ITIH5: variants seen among roughly 807,000 people sequenced by gnomAD.
The protein encoded by ITIH5 is inter-alpha-trypsin inhibitor heavy chain 5, also known as inter-alpha-trypsin inhibitor heavy chain H5.
ITIH5 carries 65 observed loss-of-function variants against 77.5 expected under a neutral mutation model. That is an observed-to-expected ratio of 0.84 (90% confidence interval 0.69 to 1.03). ITIH5 has a LOEUF of 1.03. ITIH5 is among the 50% of genes least tolerant of loss of function. The probability of loss-of-function intolerance (pLI) is 0.00; values close to 1 mark genes in which losing one functional copy is unlikely to be tolerated. For synonymous variants in ITIH5, 525 were observed against 494.3 expected (o/e 1.06, Z -0.82); for missense variants, 1,208 against 1,213.1 (o/e 1.00, Z 0.06).
chr10:7,564,807 A>G (rs1031377976), intron 13 of ITIH5, among the ~76,000 whole-genome samples: 9 of 151,506 alleles, frequency 5.9e-5, no homozygotes, highest in Non-Finnish European at 8.8e-5. Context: ...GACTGTGTGT[A>G]TATATACACA....
At chr10:7,568,449 C>T (rs1019638610) in intron 12 of ITIH5, among the ~76,000 whole-genome samples, 1 of 152,222 alleles carries the variant, frequency 6.6e-6, no homozygotes, top group Non-Finnish European at 1.5e-5. Flanking sequence ...ATGGGAACTG[C>T]TCCCAGAATA....
At chr10:7,619,852 A>T (rs1970182) in intron 5 of ITIH5, 23,375 of 157,144 alleles carry the variant, frequency 0.15, 1,875 homozygotes, top group East Asian at 0.26. Context: ...ACAGAGCCAA[A>T]CCATATCAAT....
At chr10:7,571,512 G>A (rs7897049) in intron 11 of ITIH5, 14,370 of 152,162 alleles carry the variant, frequency 0.094, 995 homozygotes, top group African/African-American at 0.19. Context: ...TGCCTCCTGG[G>A]TTCAAGCGAT....
chr10:7,660,039 A>C (rs1429905899), intron 1 of ITIH5, among the ~76,000 whole-genome samples: 4 of 152,146 alleles, frequency 2.6e-5, no homozygotes, highest in African/African-American at 9.7e-5. Context: ...GAGGCCCCAA[A>C]TCATGGACTT....
At chr10:7,663,448 A>G (rs2131119885) in intron 1 of ITIH5, among the ~76,000 whole-genome samples, 1 of 152,330 alleles carries the variant, frequency 6.6e-6, no homozygotes, top group Non-Finnish European at 1.5e-5. Flanking sequence ...TTTACATGCT[A>G]ATAAAACATA....
intron 12 of ITIH5, among the ~76,000 whole-genome samples, chr10:7,567,246 G>A (rs1009644281): frequency 3.3e-5 from 5 of 151,864 alleles, no homozygotes; most frequent in Admixed American, 1.3e-4. Flanking sequence ...TGGCTGTAGT[G>A]ATAAGAACTC....
Position 7,644,753 on chromosome 10 carries a change from A to ACATATC in ITIH5, c.136-2664_136-2663insGATATG, listed in dbSNP as rs1833968922. ...CATATCTATATCACATATATATCACATATATCACATATATATCATATATAT... is the reference window on the plus strand; with the variant it reads ...CATATCTATATCACATATATATCACACATATCTATATCACATATATATCATATATAT... On this transcript the variant is annotated intron_variant, in intron 2 of 13. Coordinates refer to ENST00000397146, the MANE Select transcript of ITIH5 (RefSeq NM_030569.7). Among the ~76,000 whole-genome samples the ACATATC allele has an allele frequency of 2.6e-5, 3 of 113,312 alleles. 1 individual carries two copies. Among genetic ancestry groups the ACATATC allele is most frequent in the African/African-American group, 1.4e-4 (3 of 21,076 alleles). The allele number at this position is 113,312 out of a possible 152,430, so 74.3% of individuals were successfully genotyped here. A position where few individuals can be genotyped will look rare whatever the true frequency, so the allele number is the denominator to read the frequency against.
intron 5 of ITIH5, chr10:7,619,184 T>A (rs921363704): frequency 6.6e-6 from 1 of 152,256 alleles, no homozygotes; most frequent in African/African-American, 2.4e-5. Context: ...GAAAAGTCCT[T>A]GAAATTAAAG....
At chr10:7,638,512 G>A (rs1833835866) in intron 4 of ITIH5, among the ~76,000 whole-genome samples, 1 of 152,172 alleles carries the variant, frequency 6.6e-6, no homozygotes, top group South Asian at 2.1e-4. Context: ...TAAGACATTG[G>A]AGCAATGCCT....
chr10:7,591,480 G>A (rs1226834422), intron 7 of ITIH5, among the ~76,000 whole-genome samples: 3 of 152,156 alleles, frequency 2.0e-5, no homozygotes, highest in African/African-American at 7.2e-5. Flanking sequence ...AGTGAAGACA[G>A]ATGACAGCTC....
intron 5 of ITIH5, among the ~76,000 whole-genome samples, chr10:7,632,699 G>A (rs375552064): frequency 5.3e-5 from 8 of 152,190 alleles, no homozygotes; most frequent in African/African-American, 1.9e-4. Flanking sequence ...GTCTAGGCTA[G>A]GGTAGGACTT....
intron 2 of ITIH5, among the ~76,000 whole-genome samples, chr10:7,645,141 A>C (rs1277365353): frequency 6.6e-6 from 1 of 151,932 alleles, no homozygotes; most frequent in African/African-American, 2.4e-5. Flanking sequence ...AATTCAAAAA[A>C]GCCAGAGACA....
At position 7,579,455 on chromosome 10, in the gene ITIH5, G is replaced by T. The variant is rs562397736; in HGVS notation, c.1418+300C>A. On this transcript the variant is annotated intron_variant, in intron 9 of 13. Coordinates refer to ENST00000397146, the MANE Select transcript of ITIH5 (RefSeq NM_030569.7). ...CAAGAGAATTGCTTGAACCCAGGAAGCAGAGGTTGCAGTGAGCTGAGATCA... is the reference window on the plus strand; with the variant it reads ...CAAGAGAATTGCTTGAACCCAGGAATCAGAGGTTGCAGTGAGCTGAGATCA... 1.5e-4 allele frequency among the ~76,000 whole-genome samples: 23 copies of T among 152,136 alleles called. 1 individual carries two copies. The South Asian group carries it at 4.8e-3, about 32-fold the overall frequency.
chr10:7,628,644 G>GTGTTATCACATGCA (rs1833629552), intron 5 of ITIH5, among the ~76,000 whole-genome samples: 2 of 102,738 alleles, frequency 1.9e-5, no homozygotes, highest in African/African-American at 2.9e-5. Flanking sequence ...TGTACCATGT[G>GTGTTATCACATGCA]TCCATGTTGT....
In ITIH5 at chr10:7,574,090, G is replaced by A. The variant is rs370229682; in HGVS notation, c.1979-895C>T. ...CAGTGTCTGTAGCTATGTGTGCGGC[G>A]GAATTTACAAAGCAGAAGATTTTGA... On this transcript the variant is annotated intron_variant, in intron 10 of 13. Coordinates refer to ENST00000397146, the MANE Select transcript of ITIH5 (RefSeq NM_030569.7). 5.3e-5 allele frequency among the ~76,000 whole-genome samples: 8 copies of A among 152,138 alleles called. No individual in the cohort carries two copies. The East Asian group carries it at 7.7e-4, about 15-fold the overall frequency.
intron 7 of ITIH5, among the ~76,000 whole-genome samples, chr10:7,611,451 G>T (rs555139993): frequency 6.6e-6 from 1 of 152,300 alleles, no homozygotes; most frequent in South Asian, 2.1e-4. Context: ...GGGTTATTTG[G>T]CAAGAAGATT....
intron 2 of ITIH5, among the ~76,000 whole-genome samples, chr10:7,645,912 G>C (rs543647085): frequency 6.6e-6 from 1 of 152,108 alleles, no homozygotes; most frequent in South Asian, 2.1e-4. Context: ...CAACCTGTGG[G>C]GTTTTTTTTA....
At chr10:7,572,318 T>G (rs1374606001) in intron 11 of ITIH5, 2 of 1,367,320 alleles carry the variant, frequency 1.5e-6, no homozygotes, top group South Asian at 1.1e-5. Context: ...CCTCTGAATT[T>G]TTATTATAGT....
chr10:7,581,663 A>G (rs1428870342), intron 8 of ITIH5, among the ~76,000 whole-genome samples: 1 of 151,198 alleles, frequency 6.6e-6, no homozygotes, highest in African/African-American at 2.4e-5. Flanking sequence ...TGTATGTTAC[A>G]CTACAGGTTA....
Sources: gnomAD v4.1 joint callset for allele counts (sites outside exome capture counted in the v4.1 genomes callset) on GRCh38, gnomAD v4.1.1 for gene constraint, MANE v1.5 for transcripts, NCBI Gene and HGNC (gene_info 2026-07-23, HGNC 2026-07-21) for gene names.